DCN: variants seen among roughly 807,000 people sequenced by gnomAD.
DCN encodes the protein bone proteoglycan II.
Under a neutral mutation model 36.5 loss-of-function variants are expected in DCN, and 17 were observed. The ratio of observed to expected loss-of-function variants is 0.47; its 90% CI spans 0.32 to 0.70. DCN has a LOEUF of 0.70. Ranked by LOEUF, DCN falls within the 30% of genes least tolerant of loss-of-function variation. The pLI is 0.04. For missense variants in DCN, 389 were observed against 430.1 expected, an observed-to-expected ratio of 0.90 and a Z score of 0.84; for synonymous variants, 163 against 161.4, an observed-to-expected ratio of 1.01 and a Z score of -0.07.
intron 2 of DCN, chr12:91,172,884 A>T: frequency 1.6e-6 from 1 of 617,054 alleles, no homozygotes; most frequent in Non-Finnish European, 2.9e-6. Flanking sequence ...GAAAAAAAAT[A>T]AAATAGATAT....
chr12:91,174,948 A>G (rs1037305061), intron 2 of DCN, among the ~76,000 whole-genome samples: 3 of 152,128 alleles, frequency 2.0e-5, no homozygotes, highest in Non-Finnish European at 4.4e-5. Context: ...TCCAAAGATG[A>G]ATGGCTAAGC....
intron 2 of DCN, 68 bp downstream of exon 2, chr12:91,178,274 C>T: frequency 7.3e-7 from 1 of 1,368,982 alleles, no homozygotes; most frequent in Non-Finnish European, 1.0e-6. Context: ...AAATGCTAAA[C>T]TCTCAGAGTT....
intron 3 of DCN, among the ~76,000 whole-genome samples, chr12:91,163,337 T>C (rs186797788): frequency 1.1e-3 from 161 of 152,334 alleles, no homozygotes; most frequent in Non-Finnish European, 1.9e-3. Flanking sequence ...TTTTGGCCCT[T>C]CTTCAAGTCC....
rs774331414 is a variant in DCN, at chr12:91,151,605, G to A, written c.885+49C>T. 1.1e-5 allele frequency: 18 copies of A among 1,610,186 alleles called. No individual in the cohort carries two copies. The South Asian group carries it at 1.8e-4, about 16-fold the overall frequency. On this transcript the variant is annotated intron_variant, in intron 7 of 7. Transcript: ENST00000052754. ...TCCCAGCATCCCATAAGCAGGGTGG[G>A]GGTCTTGCTTTTTGGATATTCCTCA...
In DCN at chr12:91,157,165, T is replaced by G; in HGVS notation, c.562A>C (p.Ser188Arg). The G allele has an allele frequency of 6.2e-7, 1 of 1,613,798 alleles. No homozygotes were observed. The highest frequency in any genetic ancestry group is 1.1e-5 in the South Asian group (1 of 91,080). Reference sequence around the variant, plus strand: ...AAAGCCCCATTTTCAATTCCTGAGCTCTTCAGCGGATTGGTGCCCAGTTCT... The same window carrying G: ...AAAGCCCCATTTTCAATTCCTGAGCGCTTCAGCGGATTGGTGCCCAGTTCT... ...VIELGTNPLK[S>R]SGIENGAFQG... The change falls in exon 5 of 8, where the codon AGC (serine) becomes CGC (arginine). Residue 188 changes from serine (S) to arginine (R), a missense_variant. By Grantham distance (110) the Ser-to-Arg change is moderately radical (BLOSUM62 -1). Transcript: ENST00000052754.
chr12:91,181,714 A>G (rs1446099799), intron 1 of DCN, among the ~76,000 whole-genome samples: 2 of 152,094 alleles, frequency 1.3e-5, no homozygotes, highest in African/African-American at 4.8e-5. Flanking sequence ...CAAAGTCAAA[A>G]TTTAACCCTC....
At chr12:91,168,664 A>G (rs1314537145) in intron 2 of DCN, among the ~76,000 whole-genome samples, 2 of 152,194 alleles carry the variant, frequency 1.3e-5, no homozygotes, top group Non-Finnish European at 2.9e-5. Context: ...ATAACCTGCT[A>G]TCATAGGAGT....
At chr12:91,170,466 A>G (rs1285056576) in intron 2 of DCN, among the ~76,000 whole-genome samples, 1 of 152,142 alleles carries the variant, frequency 6.6e-6, no homozygotes, top group Admixed American at 6.5e-5. Flanking sequence ...CATTGTTCCC[A>G]TGAAGTTCAG....
At position 91,164,591 on chromosome 12, in the gene DCN, A is replaced by T. The variant is rs780467336; in HGVS notation, c.324+14T>A. The T allele has an allele frequency of 7.6e-6, 11 of 1,453,780 alleles. No homozygotes were observed. In the South Asian group the frequency reaches 1.3e-4, roughly 17 times the overall value. 90.1% of individuals were successfully genotyped at this position (1,453,780 alleles called of 1,614,324 possible). ...GTCTTATCTTATTGTGAGTTAAAAA[A>T]AAATAGTTCTTACGTGAAGGTTCTT... On this transcript the variant is annotated intron_variant, in intron 3 of 7. Transcript: ENST00000052754.
rs555333900 is a variant in DCN at position 91,145,539 on chromosome 12, A to G, written c.*519T>C. ...TGTATACAATAGTAATTTTGAATGT[A>G]TTTTTAAATTTATTTTTTCAAAATA... On this transcript the variant is annotated 3_prime_UTR_variant, in exon 8 of 8. Transcript: ENST00000052754. 1 of 167,534 alleles carries G rather than the reference A, an allele frequency of 6.0e-6. No individual in the cohort carries two copies. The highest frequency in any genetic ancestry group is 2.4e-5 in the African/African-American group (1 of 41,692). The allele number at this position is 167,534 out of a possible 1,614,324, so 10.4% of individuals were successfully genotyped here.
chr12:91,157,207 C>A lies in DCN; in HGVS notation c.539-19G>T. 1 of 1,572,120 alleles carries A rather than the reference C, an allele frequency of 6.4e-7. No individual in the cohort carries two copies. Among genetic ancestry groups the A allele is most frequent in the East Asian group, 2.2e-5 (1 of 44,646 alleles). On this transcript the variant is annotated intron_variant, in intron 4 of 7. Coordinates refer to ENST00000052754, the MANE Select transcript of DCN (RefSeq NM_001920.5). ...CCCAGTTCTACAAATGTAATAAGTG[C>A]AAGGCTTTTAGAGGAAATTTTAGGA...
At chr12:91,161,321 A>T (rs564868287) in intron 3 of DCN, among the ~76,000 whole-genome samples, 2 of 152,202 alleles carry the variant, frequency 1.3e-5, no homozygotes, top group Non-Finnish European at 2.9e-5. Context: ...GGGTTTTTTT[A>T]AAAAATATTC....
intron 2 of DCN, among the ~76,000 whole-genome samples, chr12:91,171,168 C>T (rs987867858): frequency 2.6e-5 from 4 of 152,104 alleles, no homozygotes; most frequent in Admixed American, 6.5e-5. Context: ...TTCTCACAAT[C>T]TTAAGTAGAA....
In DCN at chr12:91,140,736, A is replaced by G. The variant is rs1880730421; in HGVS notation, c.*5322T>C. On this transcript the variant is annotated 3_prime_UTR_variant, in exon 8 of 8. Transcript: ENST00000052754. ...GATCTAAATCCTCCTTGACACCTCC[A>G]TATGGAAGTTGAATATGCATCTCAA... The G allele has an allele frequency of 6.6e-6, 1 of 152,208 alleles. No homozygotes were observed. The highest frequency in any genetic ancestry group is 1.5e-5 in the Non-Finnish European group (1 of 68,036). 9.4% of individuals were successfully genotyped at this position (152,208 alleles called of 1,614,324 possible).
chr12:91,157,304 TA>T (rs1565777807), intron 4 of DCN, 116 bp from the exon 5 acceptor site: 2 of 767,306 alleles, frequency 2.6e-6, no homozygotes, highest in African/African-American at 3.5e-5. Flanking sequence ...TCAACTTGAC[TA>T]AAAAACAAAA....
Position 91,177,652 on chromosome 12 carries a change from T to A in DCN, c.211+690A>T, listed in dbSNP as rs1231776061. The A allele has an allele frequency of 8.5e-6, 6 of 701,898 alleles. No homozygotes were observed. The Admixed American group carries it at 1.2e-4, about 14-fold the overall frequency. 43.5% of individuals were successfully genotyped at this position (701,898 alleles called of 1,614,324 possible). On this transcript the variant is annotated intron_variant, in intron 2 of 7. Coordinates refer to ENST00000052754, the MANE Select transcript of DCN (RefSeq NM_001920.5). ...TGAAAAGATGATAAATCAAACTGTC[T>A]TTAGGGTGTTAGGCTAAAGATATAT...
rs1868455529 is a variant in DCN at position 91,182,717 on chromosome 12, C to G, written c.-96G>C. ...CTGAGATGTAATTACACTAAATATTCAGCCCAAGTAAAAGAGTTTGCAGGT... is the reference window on the plus strand; with the variant it reads ...CTGAGATGTAATTACACTAAATATTGAGCCCAAGTAAAAGAGTTTGCAGGT... On this transcript the variant is annotated 5_prime_UTR_variant, in exon 1 of 8. Coordinates refer to ENST00000052754, the MANE Select transcript of DCN (RefSeq NM_001920.5). The G allele has an allele frequency of 6.6e-6, 1 of 152,018 alleles. No homozygotes were observed. The highest frequency in any genetic ancestry group is 1.5e-5 in the Non-Finnish European group (1 of 68,016). 9.4% of individuals were successfully genotyped at this position (152,018 alleles called of 1,614,324 possible). A position where few individuals can be genotyped will look rare whatever the true frequency, so the allele number is the denominator to read the frequency against.
At chr12:91,171,911 G>A (rs1055353270) in intron 2 of DCN, among the ~76,000 whole-genome samples, 2 of 152,036 alleles carry the variant, frequency 1.3e-5, no homozygotes, top group African/African-American at 4.8e-5. Context: ...TGTAGTAACA[G>A]GAGCATAGTG....
chr12:91,176,325 G>T (rs998210850), intron 2 of DCN: 2 of 151,932 alleles, frequency 1.3e-5, no homozygotes, highest in Non-Finnish European at 2.9e-5. Flanking sequence ...TAGTATATGA[G>T]TCAGTAAACC....
Sources: gnomAD v4.1 joint callset for allele counts (sites outside exome capture counted in the v4.1 genomes callset) on GRCh38, gnomAD v4.1.1 for gene constraint, MANE v1.5 for transcripts, NCBI Gene and HGNC (gene_info 2026-07-23, HGNC 2026-07-21) for gene names.